Variants in ASCC1 observed in about 807,000 individuals in gnomAD.
ASCC1 encodes activating signal cointegrator 1 complex subunit 1, also known as ASC-1 complex subunit P50.
Under a neutral mutation model 46.6 loss-of-function variants are expected in ASCC1, and 35 were observed. The ratio of observed to expected loss-of-function variants is 0.75; its 90% CI spans 0.57 to 0.99. The LOEUF (loss-of-function observed/expected upper bound fraction) is 0.99. Ranked by LOEUF, ASCC1 falls within the 50% of genes least tolerant of loss-of-function variation. The pLI, the probability that ASCC1 is intolerant of heterozygous loss-of-function variation, is 0.00. For missense variants in ASCC1, 376 were observed against 428.7 expected, an observed-to-expected ratio of 0.88 and a Z score of 1.09; for synonymous variants, 143 against 146.6, an observed-to-expected ratio of 0.98 and a Z score of 0.18.
chr10:72,195,863 GAC>G (rs1855348023), intron 5 of ASCC1, among the ~76,000 whole-genome samples: 1 of 151,746 alleles, frequency 6.6e-6, no homozygotes, highest in Non-Finnish European at 1.5e-5. Flanking sequence ...TGAGTGTACA[GAC>G]ACATTGATAC....
At chr10:72,152,143 C>T (rs1848421664) in intron 7 of ASCC1, among the ~76,000 whole-genome samples, 1 of 151,608 alleles carries the variant, frequency 6.6e-6, no homozygotes, top group African/African-American at 2.4e-5. Flanking sequence ...CAGGCGCACA[C>T]CATCATGCCT....
At chr10:72,187,743 C>A (rs1489368229) in intron 5 of ASCC1, among the ~76,000 whole-genome samples, 50 of 107,486 alleles carry the variant, frequency 4.7e-4, no homozygotes, top group African/African-American at 1.1e-3. Flanking sequence ...AAAAAAAAAA[C>A]TGGTTTTACA....
chr10:72,180,454 T>C (rs939270007), intron 5 of ASCC1, among the ~76,000 whole-genome samples: 1 of 151,932 alleles, frequency 6.6e-6, no homozygotes, highest in Non-Finnish European at 1.5e-5. Context: ...GGTGAAACCT[T>C]GTCTCTACTA....
chr10:72,191,088 C>T (rs1854399803), intron 5 of ASCC1, among the ~76,000 whole-genome samples: 1 of 149,354 alleles, frequency 6.7e-6, no homozygotes, highest in Non-Finnish European at 1.5e-5. Flanking sequence ...GACAGAGTCT[C>T]GCTCTGTCGC....
At chr10:72,215,331 G>A (rs1859004009) in intron 1 of ASCC1, among the ~76,000 whole-genome samples, 2 of 152,300 alleles carry the variant, frequency 1.3e-5, no homozygotes, top group South Asian at 4.1e-4. Flanking sequence ...CCTGAGAGGC[G>A]GAGGTTGCAG....
chr10:72,193,368 GA>G (rs1196617967), intron 5 of ASCC1, among the ~76,000 whole-genome samples: 1 of 152,006 alleles, frequency 6.6e-6, no homozygotes, highest in Non-Finnish European at 1.5e-5. Flanking sequence ...TATGTTGAGT[GA>G]AAGAAGCCAG....
chr10:72,205,683 G>A (rs530278104), intron 3 of ASCC1, among the ~76,000 whole-genome samples: 15 of 151,734 alleles, frequency 9.9e-5, no homozygotes, highest in Admixed American at 2.0e-4. Flanking sequence ...TGTAATCCCA[G>A]CTACTTGGAA....
In ASCC1 at chr10:72,190,567, T is replaced by C. The variant is rs377613756; in HGVS notation, c.489+6244A>G. ...GGCGCAATACTCTCCAGCTCCACCATTATCGCTAATATAAGTAAAGTTTGT... is the reference window on the plus strand; with the variant it reads ...GGCGCAATACTCTCCAGCTCCACCACTATCGCTAATATAAGTAAAGTTTGT... On this transcript the variant is annotated intron_variant, in intron 5 of 9. Coordinates refer to ENST00000672957, the MANE Select transcript of ASCC1 (RefSeq NM_001198800.3). 3.1e-5 allele frequency: 42 copies of C among 1,376,578 alleles called. No individual in the cohort carries two copies. In the East Asian group the frequency reaches 7.0e-4, roughly 23 times the overall value. The allele number at this position is 1,376,578 out of a possible 1,614,324, so 85.3% of individuals were successfully genotyped here. A position where few individuals can be genotyped will look rare whatever the true frequency, so the allele number is the denominator to read the frequency against.
chr10:72,111,744 C>T (rs1842941665), intron 9 of ASCC1, among the ~76,000 whole-genome samples: 1 of 152,052 alleles, frequency 6.6e-6, no homozygotes, highest in Admixed American at 6.5e-5. Context: ...CGGGTTCATG[C>T]CATTCTCCTG....
intron 6 of ASCC1, among the ~76,000 whole-genome samples, chr10:72,157,481 A>T (rs1051013985): frequency 6.6e-6 from 1 of 152,208 alleles, no homozygotes; most frequent in Non-Finnish European, 1.5e-5. Flanking sequence ...ATTTAATGTT[A>T]TATCTGCAAT....
Position 72,160,865 on chromosome 10 carries a change from C to T in ASCC1, c.626+673G>A, listed in dbSNP as rs1395458819. Among the ~76,000 whole-genome samples the T allele has an allele frequency of 3.3e-5, 5 of 150,258 alleles. No individual in the cohort carries two copies. In the South Asian group the frequency reaches 1.0e-3, roughly 31 times the overall value. On this transcript the variant is annotated intron_variant, in intron 6 of 9. Coordinates refer to ENST00000672957, the MANE Select transcript of ASCC1 (RefSeq NM_001198800.3). Reference sequence around the variant, plus strand: ...TTGGGAGGCCAAGGCGGGCGGATCACAAGGTCAAGAGATCAAGACCATCCT... The same window carrying T: ...TTGGGAGGCCAAGGCGGGCGGATCATAAGGTCAAGAGATCAAGACCATCCT...
intron 5 of ASCC1, among the ~76,000 whole-genome samples, chr10:72,181,974 C>T (rs139370896): frequency 1.3e-5 from 2 of 152,216 alleles, no homozygotes; most frequent in South Asian, 4.1e-4. Context: ...GTGTGAGCCA[C>T]CGCACCCGGC....
chr10:72,216,935 C>A, upstream of ASCC1: 1 of 456,240 alleles, frequency 2.2e-6, no homozygotes. Context: ...GCGAATAGAT[C>A]TGCACAATGA....
At chr10:72,201,192 G>A (rs1856441877) in intron 4 of ASCC1, among the ~76,000 whole-genome samples, 1 of 152,038 alleles carries the variant, frequency 6.6e-6, no homozygotes, top group Non-Finnish European at 1.5e-5. Flanking sequence ...CTGTCACCCA[G>A]GCTGGAGTGT....
chr10:72,214,237 A>G (rs749429967), intron 1 of ASCC1, among the ~76,000 whole-genome samples: 3 of 152,028 alleles, frequency 2.0e-5, no homozygotes, highest in Non-Finnish European at 4.4e-5. Context: ...AATAAAAGGC[A>G]TTATAAATGC....
At chr10:72,194,055 G>A (rs1384554404) in intron 5 of ASCC1, among the ~76,000 whole-genome samples, 1 of 151,128 alleles carries the variant, frequency 6.6e-6, no homozygotes, top group East Asian at 1.9e-4. Flanking sequence ...TGTTAGCCAG[G>A]ATGGTCTCAA....
At chr10:72,183,454 T>C (rs557908380) in intron 5 of ASCC1, among the ~76,000 whole-genome samples, 24 of 151,970 alleles carry the variant, frequency 1.6e-4, no homozygotes, top group African/African-American at 4.6e-4. Flanking sequence ...CCAGAGAAGT[T>C]TGAGACCAGC....
chr10:72,119,409 G>A (rs1161826267), intron 9 of ASCC1, among the ~76,000 whole-genome samples: 1 of 152,134 alleles, frequency 6.6e-6, no homozygotes, highest in Admixed American at 6.5e-5. Flanking sequence ...ATCCACAGTG[G>A]GGAAGAGAAA....
At chr10:72,197,449 T>C (rs374317316) in intron 4 of ASCC1, among the ~76,000 whole-genome samples, 110 of 90,806 alleles carry the variant, frequency 1.2e-3, no homozygotes, top group Non-Finnish European at 1.8e-3. Flanking sequence ...GCCTGGGCAA[T>C]AGAGCAAGAC....
Sources: gnomAD v4.1 joint callset for allele counts (sites outside exome capture counted in the v4.1 genomes callset) on GRCh38, gnomAD v4.1.1 for gene constraint, MANE v1.5 for transcripts, NCBI Gene and HGNC (gene_info 2026-07-23, HGNC 2026-07-21) for gene names.